The following FANCL variants were observed in gnomAD, a reference collection of about 807,000 sequenced individuals.
FANCL encodes FA complementation group L, also known as E3 ubiquitin-protein ligase FANCL.
In FANCL, 69 loss-of-function variants were observed where a neutral mutation model predicts 59.4. That is an observed-to-expected ratio of 1.16 (90% CI 0.96 to 1.42). FANCL has a LOEUF of 1.42. Ranked by LOEUF, FANCL falls within the 40% of genes most tolerant of loss-of-function variation. The pLI is 0.00. For synonymous variants in FANCL, 180 were observed against 147.1 expected (o/e 1.22, Z -1.62); for missense variants, 519 against 447.2 (o/e 1.16, Z -1.45).
In FANCL at chr2:58,229,887, T is replaced by C; in HGVS notation, c.156-13A>G. On this transcript the variant is annotated splice_polypyrimidine_tract_variant and intron_variant, in intron 2 of 13. Transcript: ENST00000233741. ...ACTACATAATAATCTAAAATTTTAA[T>C]GAGACAAAATGGTTTATTCATTGTT... 6.3e-7 allele frequency: 1 copy of C among 1,582,878 alleles called. No homozygotes were observed. Among genetic ancestry groups the C allele is most frequent in the Non-Finnish European group, 8.7e-7 (1 of 1,151,902 alleles).
At position 58,159,623 on chromosome 2, in the gene FANCL, A is replaced by ATGTT. The variant is rs759317234; in HGVS notation, c.*138_*141dup. 6 of 1,613,816 alleles carry ATGTT rather than the reference A, an allele frequency of 3.7e-6. No homozygotes were observed. Among genetic ancestry groups the ATGTT allele is most frequent in the South Asian group, 1.1e-5 (1 of 91,078 alleles). On this transcript the variant is annotated 3_prime_UTR_variant, in exon 14 of 14. Transcript: ENST00000233741. ...ACTCTTAGTGAAGAGACAAACGCAG[A>ATGTT]TGTTTATTATTATCGCATCATCATA... is the stretch of plus-strand genomic sequence containing the variant.
chr2:58,222,222 G>T (rs1692546133), intron 4 of FANCL, among the ~76,000 whole-genome samples, 180 bp from the exon 5 acceptor site: 1 of 151,908 alleles, frequency 6.6e-6, no homozygotes, highest in African/African-American at 2.4e-5. Context: ...AAAGTTAAAG[G>T]ACTGCACTGA....
intron 7 of FANCL, among the ~76,000 whole-genome samples, chr2:58,175,933 A>G (rs1170504404): frequency 1.3e-5 from 2 of 152,254 alleles, no homozygotes; most frequent in Non-Finnish European, 2.9e-5. Flanking sequence ...ACTTCAGCAA[A>G]GTCTCAGGAT....
intron 7 of FANCL, among the ~76,000 whole-genome samples, chr2:58,177,969 C>T (rs1687527265): frequency 6.6e-6 from 1 of 152,018 alleles, no homozygotes; most frequent in Non-Finnish European, 1.5e-5. Context: ...CACCTCTACA[C>T]AAATAAACTA....
intron 4 of FANCL, among the ~76,000 whole-genome samples, chr2:58,223,039 T>A (rs1692638079): frequency 1.3e-5 from 2 of 151,722 alleles, no homozygotes; most frequent in South Asian, 4.2e-4. Flanking sequence ...CACTATCAAA[T>A]TGAGATCATA....
At chr2:58,173,935 G>A (rs1408802393) in intron 7 of FANCL, among the ~76,000 whole-genome samples, 2 of 152,018 alleles carry the variant, frequency 1.3e-5, no homozygotes, top group African/African-American at 4.8e-5. Context: ...TAAAAGGATG[G>A]AGGAAGATCT....
intron 7 of FANCL, among the ~76,000 whole-genome samples, chr2:58,181,129 C>T (rs1341116290): frequency 2.6e-5 from 4 of 151,966 alleles, no homozygotes; most frequent in African/African-American, 7.2e-5. Context: ...TTCATAAGCA[C>T]CAAAAACTGG....
chr2:58,194,821 A>C (rs1393923997), intron 7 of FANCL, among the ~76,000 whole-genome samples: 1 of 151,972 alleles, frequency 6.6e-6, no homozygotes, highest in Non-Finnish European at 1.5e-5. Context: ...ATCAGAGCAA[A>C]AGAAAAATAC....
At chr2:58,186,968 G>C (rs1490173683) in intron 7 of FANCL, among the ~76,000 whole-genome samples, 2 of 152,184 alleles carry the variant, frequency 1.3e-5, no homozygotes, top group African/African-American at 4.8e-5. Context: ...CTGTTGGTGG[G>C]AGTGTGAACT....
At chr2:58,204,299 T>G (rs912566902) in intron 5 of FANCL, 73 bp from the exon 6 acceptor site, 16 of 1,117,160 alleles carry the variant, frequency 1.4e-5, no homozygotes, top group East Asian at 2.3e-5. Context: ...ATGGTTGAAT[T>G]TGAAATGAAA....
At chr2:58,169,950 G>A (rs1161097255) in intron 7 of FANCL, among the ~76,000 whole-genome samples, 1 of 152,084 alleles carries the variant, frequency 6.6e-6, no homozygotes, top group African/African-American at 2.4e-5. Context: ...AAAGTGATGG[G>A]GAGAGTGGAA....
intron 2 of FANCL, among the ~76,000 whole-genome samples, chr2:58,231,589 G>C (rs1041995487): frequency 1.3e-5 from 2 of 152,014 alleles, no homozygotes; most frequent in Non-Finnish European, 2.9e-5. Flanking sequence ...ATTGAGATTT[G>C]GGGTGGTACC....
At chr2:58,178,633 T>C (rs926522832) in intron 7 of FANCL, among the ~76,000 whole-genome samples, 1 of 152,202 alleles carries the variant, frequency 6.6e-6, no homozygotes, top group Non-Finnish European at 1.5e-5. Flanking sequence ...TCATACTGAA[T>C]GGGCAAAAGC....
rs546306810 is a variant in FANCL, at chr2:58,197,122, T to G, written c.540+1472A>C. Among the ~76,000 whole-genome samples, 633 of 151,676 alleles carry G rather than the reference T, an allele frequency of 4.2e-3. 6 individuals are homozygous for G. Among genetic ancestry groups the G allele is most frequent in the African/African-American group, 0.014 (592 of 41,504 alleles). On this transcript the variant is annotated intron_variant, in intron 7 of 13. Coordinates refer to ENST00000233741, the MANE Select transcript of FANCL (RefSeq NM_018062.4). ...TCTCTCTTCTCTATTTTGCTATGTTTTCTCAACTTCCATTGTGGGGAGATT... is the reference window on the plus strand; with the variant it reads ...TCTCTCTTCTCTATTTTGCTATGTTGTCTCAACTTCCATTGTGGGGAGATT...
At chr2:58,164,001 A>G (rs1312613395) in intron 8 of FANCL, among the ~76,000 whole-genome samples, 1 of 152,054 alleles carries the variant, frequency 6.6e-6, no homozygotes, top group Non-Finnish European at 1.5e-5. Context: ...ATTTATAAAA[A>G]CATTTTCTGT....
intron 5 of FANCL, among the ~76,000 whole-genome samples, chr2:58,211,928 C>T (rs1032721188): frequency 8.5e-5 from 13 of 152,180 alleles, no homozygotes; most frequent in Non-Finnish European, 1.3e-4. Context: ...TAGGAAGTTC[C>T]AAACTCTCCC....
rs762052029 is a variant in FANCL, at chr2:58,159,326, C to T, written c.*439G>A. The T allele has an allele frequency of 1.9e-6, 3 of 1,549,568 alleles. No individual in the cohort carries two copies. The highest frequency in any genetic ancestry group is 2.6e-6 in the Non-Finnish European group (3 of 1,145,148). ...GATAACTCACGTCTAACAAACTAAA[C>T]TATATATGTATTTTTTCCATAGGAA... On this transcript the variant is annotated 3_prime_UTR_variant, in exon 14 of 14. Coordinates refer to ENST00000233741, the MANE Select transcript of FANCL (RefSeq NM_018062.4).
chr2:58,202,260 A>AG (rs1690116358), intron 6 of FANCL, among the ~76,000 whole-genome samples: 1 of 148,488 alleles, frequency 6.7e-6, no homozygotes, highest in African/African-American at 2.4e-5. Context: ...AAAAAAAAAA[A>AG]AGACTTCCTG....
rs1684822669 is a variant in FANCL, at chr2:58,159,817, T to A, written c.1093-17A>T. 1 of 1,611,790 alleles carries A rather than the reference T, an allele frequency of 6.2e-7. No individual in the cohort carries two copies. The highest frequency in any genetic ancestry group is 1.3e-5 in the African/African-American group (1 of 74,820). On this transcript the variant is annotated splice_polypyrimidine_tract_variant and intron_variant, in intron 13 of 13. Transcript: ENST00000233741. The stretch of plus-strand genomic sequence containing the variant: ...GGTAATTGGCTTTAAAAAGAGAACA[T>A]ATTTTAACAAAGTTTGTGGACACTC...
Sources: gnomAD v4.1 joint callset for allele counts (sites outside exome capture counted in the v4.1 genomes callset) on GRCh38, gnomAD v4.1.1 for gene constraint, MANE v1.5 for transcripts, NCBI Gene and HGNC (gene_info 2026-07-23, HGNC 2026-07-21) for gene names.